Variants in LRMDA observed in about 807,000 individuals in gnomAD.
LRMDA encodes leucine rich melanocyte differentiation associated, also known as leucine-rich melanocyte differentiation-associated protein.
LRMDA carries 18 observed loss-of-function variants against 29.8 expected under a neutral mutation model. The ratio of observed to expected loss-of-function variants is 0.60; its 90% CI spans 0.42 to 0.90. The LOEUF is 0.90. LRMDA is among the 40% of genes least tolerant of loss of function. LRMDA has a pLI of 0.00. For missense variants in LRMDA, 273 were observed against 273.9 expected, an observed-to-expected ratio of 1.00 and a Z score of 0.02; for synonymous variants, 125 against 109.4, an observed-to-expected ratio of 1.14 and a Z score of -0.89.
At chr10:75,873,596 C>T (rs903598985) in intron 2 of LRMDA, among the ~76,000 whole-genome samples, 8 of 152,276 alleles carry the variant, frequency 5.3e-5, no homozygotes, top group African/African-American at 1.9e-4. Context: ...GTCAGAATCA[C>T]AGGGCTATAA....
At chr10:75,966,238 G>T (rs1019606164) in intron 2 of LRMDA, among the ~76,000 whole-genome samples, 1 of 152,188 alleles carries the variant, frequency 6.6e-6, no homozygotes, top group East Asian at 1.9e-4. Context: ...GTGGACGAGA[G>T]CCTGGGTGTG....
chr10:75,514,165 T>A (rs1187018729), intron 2 of LRMDA, among the ~76,000 whole-genome samples: 1 of 10,296 alleles, frequency 9.7e-5, no homozygotes, highest in African/African-American at 1.4e-4. Flanking sequence ...CCTTTACCTG[T>A]TTTTTTTTTT....
intron 5 of LRMDA, among the ~76,000 whole-genome samples, chr10:76,188,950 A>G (rs201429789): frequency 6.6e-6 from 1 of 151,598 alleles, no homozygotes; most frequent in Admixed American, 6.6e-5. Context: ...ACACACACAC[A>G]CACACACACA....
intron 2 of LRMDA, among the ~76,000 whole-genome samples, chr10:75,617,613 A>G (rs1239432016): frequency 6.6e-6 from 1 of 151,612 alleles, no homozygotes; most frequent in African/African-American, 2.4e-5. Context: ...TTCTTTCTGG[A>G]CTTCTCTCTT....
At chr10:75,488,992 G>A (rs1006423158) in intron 2 of LRMDA, among the ~76,000 whole-genome samples, 3 of 152,162 alleles carry the variant, frequency 2.0e-5, no homozygotes, top group Non-Finnish European at 2.9e-5. Context: ...CCTCACATGA[G>A]TTCTTACATG....
At chr10:76,222,090 C>T (rs1851852814) in intron 5 of LRMDA, among the ~76,000 whole-genome samples, 1 of 151,818 alleles carries the variant, frequency 6.6e-6, no homozygotes, top group South Asian at 2.1e-4. Flanking sequence ...AACTGGATCC[C>T]TTCCTTACAC....
At chr10:76,011,582 G>T (rs1847782206) in intron 2 of LRMDA, among the ~76,000 whole-genome samples, 1 of 152,186 alleles carries the variant, frequency 6.6e-6, no homozygotes, top group Admixed American at 6.5e-5. Context: ...GACGAGGGCT[G>T]CATGTGAGGA....
intron 2 of LRMDA, among the ~76,000 whole-genome samples, chr10:75,707,306 T>G (rs1277979250): frequency 1.3e-5 from 2 of 152,166 alleles, no homozygotes; most frequent in Non-Finnish European, 2.9e-5. Flanking sequence ...GGAACCACTG[T>G]AAGTGTGGGG....
intron 2 of LRMDA, among the ~76,000 whole-genome samples, chr10:75,768,265 G>C (rs1843194952): frequency 6.6e-6 from 1 of 152,138 alleles, no homozygotes; most frequent in Non-Finnish European, 1.5e-5. Flanking sequence ...TTCATTGATG[G>C]ACTTTATGGG....
intron 6 of LRMDA, among the ~76,000 whole-genome samples, chr10:76,542,044 G>A (rs528870670): frequency 1.5e-5 from 2 of 130,430 alleles, no homozygotes; most frequent in East Asian, 3.9e-4. Context: ...CATGCATGTA[G>A]GTGTGTGCAC....
chr10:75,549,596 C>T (rs996325983), intron 2 of LRMDA, among the ~76,000 whole-genome samples: 2 of 152,176 alleles, frequency 1.3e-5, no homozygotes, highest in Non-Finnish European at 2.9e-5. Context: ...GTTGAGACTA[C>T]AGGTACATGC....
intron 2 of LRMDA, among the ~76,000 whole-genome samples, chr10:75,672,971 T>C (rs1589153402): frequency 6.6e-6 from 1 of 151,966 alleles, no homozygotes; most frequent in African/African-American, 2.4e-5. Flanking sequence ...TTTTTTTTTT[T>C]TTTAAATCTC....
At chr10:76,383,656 T>G (rs1841623365) in intron 6 of LRMDA, among the ~76,000 whole-genome samples, 1 of 150,792 alleles carries the variant, frequency 6.6e-6, no homozygotes, top group African/African-American at 2.5e-5. Flanking sequence ...GGTCTCGATC[T>G]CCTGACCTCA....
intron 6 of LRMDA, among the ~76,000 whole-genome samples, chr10:76,441,426 C>T (rs1213445482): frequency 6.6e-6 from 1 of 152,112 alleles, no homozygotes; most frequent in Non-Finnish European, 1.5e-5. Context: ...GTTATGTCAT[C>T]TGTAAAATGG....
chr10:75,969,331 C>T (rs1846924131), intron 2 of LRMDA, among the ~76,000 whole-genome samples: 2 of 152,196 alleles, frequency 1.3e-5, no homozygotes, highest in Admixed American at 1.3e-4. Context: ...AATAACCTTA[C>T]CAATAATGAG....
intron 6 of LRMDA, among the ~76,000 whole-genome samples, chr10:76,339,142 A>G (rs1841005984): frequency 1.3e-5 from 2 of 152,146 alleles, no homozygotes; most frequent in Non-Finnish European, 2.9e-5. Context: ...TGAAACAGTC[A>G]CAAATTGGCT....
intron 2 of LRMDA, among the ~76,000 whole-genome samples, chr10:75,909,389 G>C: frequency 6.6e-6 from 1 of 152,270 alleles, no homozygotes; most frequent in Middle Eastern, 3.4e-3. Context: ...TAGGCTCATG[G>C]AACCTCTCTC....
At chr10:76,470,400 A>G (rs1425106115) in intron 6 of LRMDA, 2 of 152,108 alleles carry the variant, frequency 1.3e-5, no homozygotes, top group Non-Finnish European at 1.5e-5. Flanking sequence ...TTCTAGGTAT[A>G]CACCCCAAAG....
intron 2 of LRMDA, among the ~76,000 whole-genome samples, chr10:75,819,360 T>C (rs572368298): frequency 6.6e-6 from 1 of 152,184 alleles, no homozygotes; most frequent in South Asian, 2.1e-4. Flanking sequence ...GGGAAGGGAT[T>C]ACCTATAGAT....
Sources: gnomAD v4.1 joint callset for allele counts (sites outside exome capture counted in the v4.1 genomes callset) on GRCh38, gnomAD v4.1.1 for gene constraint, MANE v1.5 for transcripts, NCBI Gene and HGNC (gene_info 2026-07-23, HGNC 2026-07-21) for gene names.